BRINP3: variants seen among roughly 807,000 people sequenced by gnomAD.
BRINP3 encodes the protein BMP/retinoic acid inducible neural specific 3.
Under a neutral mutation model 71.0 loss-of-function variants are expected in BRINP3, and 19 were observed. The observed-to-expected ratio is 0.27, with a 90% CI of 0.19 to 0.39. The LOEUF (loss-of-function observed/expected upper bound fraction) is 0.39. Among genes scored for constraint, BRINP3 ranks in the 10% least tolerant of loss-of-function variants. The probability of loss-of-function intolerance (pLI) is 1.00; values close to 1 mark genes in which losing one functional copy is unlikely to be tolerated. For missense variants in BRINP3, 959 were observed against 940.8 expected (o/e 1.02, Z -0.25); for synonymous variants, 380 against 337.7 (o/e 1.13, Z -1.37).
rs182634681 is a variant in BRINP3 at position 190,216,989 on chromosome 1, C to T, written c.961+9093G>A. On this transcript the variant is annotated intron_variant, in intron 6 of 7. Transcript: ENST00000367462. ...TGCATTTGTTTAATTTTTCACATTA[C>T]ATTGAATCAGCCTTTGAAAGTAACC... is the stretch of plus-strand genomic sequence containing the variant. The T allele has an allele frequency of 1.5e-3, 223 of 151,988 alleles. 1 individual carries two copies. Among genetic ancestry groups the T allele is most frequent in the African/African-American group, 5.3e-3 (221 of 41,542 alleles). 9.4% of individuals were successfully genotyped at this position (151,988 alleles called of 1,614,324 possible). A position where few individuals can be genotyped will look rare whatever the true frequency, so the allele number is the denominator to read the frequency against.
intron 6 of BRINP3, among the ~76,000 whole-genome samples, chr1:190,208,651 T>A (rs1337497054): frequency 2.6e-5 from 4 of 151,918 alleles, no homozygotes; most frequent in Non-Finnish European, 5.9e-5. Flanking sequence ...CACACCACCA[T>A]GCCCAGCTAA....
intron 3 of BRINP3, 120 bp downstream of exon 3, chr1:190,281,440 A>C: frequency 1.1e-6 from 1 of 928,554 alleles, no homozygotes; most frequent in Non-Finnish European, 1.6e-6. Flanking sequence ...TGGGTAAATG[A>C]ATGAATGAGT....
chr1:190,324,657 GCTA>G (rs1323025443), intron 2 of BRINP3, among the ~76,000 whole-genome samples: 1 of 151,642 alleles, frequency 6.6e-6, no homozygotes, highest in East Asian at 1.9e-4. Context: ...AATGATTACT[GCTA>G]CTAAGAATCA....
At chr1:190,438,228 G>T (rs1299677149) in intron 2 of BRINP3, among the ~76,000 whole-genome samples, 1 of 151,202 alleles carries the variant, frequency 6.6e-6, no homozygotes, top group Non-Finnish European at 1.5e-5. Flanking sequence ...ACCTTTAGCT[G>T]CTTTGACAAT....
intron 2 of BRINP3, among the ~76,000 whole-genome samples, chr1:190,410,515 T>C (rs1672592429): frequency 6.6e-6 from 1 of 152,046 alleles, no homozygotes; most frequent in Non-Finnish European, 1.5e-5. Flanking sequence ...CATCAGTGTA[T>C]AGACACAACG....
In BRINP3 at chr1:190,177,241, C is replaced by T. The variant is rs1385020972; in HGVS notation, c.962-16351G>A. Among the ~76,000 whole-genome samples the T allele has an allele frequency of 2.1e-5, 3 of 140,610 alleles. No individual in the cohort carries two copies. The Admixed American group carries it at 2.2e-4, about 11-fold the overall frequency. The allele number at this position is 140,610 out of a possible 152,430, so 92.2% of individuals were successfully genotyped here. On this transcript the variant is annotated intron_variant, in intron 6 of 7. Coordinates refer to ENST00000367462, the MANE Select transcript of BRINP3 (RefSeq NM_199051.3). ...GCAGTGGCGCGGTCTCCACTCACTG[C>T]AAACTCTGCCTCCCAGATTTACGCC... is the stretch of plus-strand genomic sequence containing the variant.
At chr1:190,244,648 A>G (rs1346254153) in intron 4 of BRINP3, among the ~76,000 whole-genome samples, 1 of 152,130 alleles carries the variant, frequency 6.6e-6, no homozygotes, top group African/African-American at 2.4e-5. Flanking sequence ...CAAAATCCCG[A>G]CGAACAGTCT....
intron 4 of BRINP3, among the ~76,000 whole-genome samples, chr1:190,254,833 G>T (rs1437534985): frequency 6.6e-6 from 1 of 152,128 alleles, no homozygotes; most frequent in Non-Finnish European, 1.5e-5. Flanking sequence ...GTGAGAGAGG[G>T]CATCTCTGTC....
intron 2 of BRINP3, among the ~76,000 whole-genome samples, chr1:190,352,487 A>G (rs1668452519): frequency 1.3e-5 from 2 of 152,018 alleles, no homozygotes; most frequent in African/African-American, 4.8e-5. Flanking sequence ...AGAAAATAGG[A>G]ATCTAGGTAT....
At chr1:190,391,715 A>C (rs1438551051) in intron 2 of BRINP3, among the ~76,000 whole-genome samples, 1 of 151,606 alleles carries the variant, frequency 6.6e-6, no homozygotes, top group Non-Finnish European at 1.5e-5. Context: ...AAATGTAGGA[A>C]ATGTATGAGT....
intron 6 of BRINP3, among the ~76,000 whole-genome samples, chr1:190,191,646 C>T (rs547675628): frequency 2.2e-4 from 33 of 151,874 alleles, no homozygotes; most frequent in Middle Eastern, 3.4e-3. Flanking sequence ...TTTTTTTATC[C>T]AGTCTGTCAC....
intron 2 of BRINP3, among the ~76,000 whole-genome samples, chr1:190,282,167 T>C (rs1045399162): frequency 6.6e-6 from 1 of 151,840 alleles, no homozygotes; most frequent in Non-Finnish European, 1.5e-5. Flanking sequence ...CTATTCACTT[T>C]AGAGTGGGAA....
intron 6 of BRINP3, among the ~76,000 whole-genome samples, chr1:190,181,784 A>G (rs1346297732): frequency 2.0e-5 from 3 of 152,088 alleles, no homozygotes; most frequent in South Asian, 4.1e-4. Context: ...AACGTAATTT[A>G]GAAAACACAA....
At chr1:190,217,161 A>G (rs2102671814) in intron 6 of BRINP3, 1 of 152,116 alleles carries the variant, frequency 6.6e-6, no homozygotes, top group East Asian at 1.9e-4. Flanking sequence ...GCACTTGCAC[A>G]TAATTCCAAA....
At chr1:190,376,790 T>C (rs999078806) in intron 2 of BRINP3, among the ~76,000 whole-genome samples, 1 of 152,088 alleles carries the variant, frequency 6.6e-6, no homozygotes, top group African/African-American at 2.4e-5. Context: ...TTGATATATG[T>C]GTGTTGCTAC....
chr1:190,152,548 C>CAA (rs1439516950), intron 7 of BRINP3, among the ~76,000 whole-genome samples: 25 of 141,426 alleles, frequency 1.8e-4, no homozygotes, highest in Non-Finnish European at 3.8e-4. Flanking sequence ...CCCCGCCCCC[C>CAA]AAAAAAGCAA....
chr1:190,448,040 C>T (rs545973121), intron 2 of BRINP3, among the ~76,000 whole-genome samples: 23 of 151,634 alleles, frequency 1.5e-4, no homozygotes, highest in African/African-American at 5.5e-4. Flanking sequence ...ATAATTAGAG[C>T]ACTATTTTAT....
At chr1:190,438,378 T>C (rs1249361627) in intron 2 of BRINP3, among the ~76,000 whole-genome samples, 1 of 151,810 alleles carries the variant, frequency 6.6e-6, no homozygotes, top group Non-Finnish European at 1.5e-5. Context: ...TTTTTCTCTC[T>C]ATCTCTCATC....
At chr1:190,317,650 C>T (rs1665975175) in intron 2 of BRINP3, among the ~76,000 whole-genome samples, 1 of 151,962 alleles carries the variant, frequency 6.6e-6, no homozygotes, top group Non-Finnish European at 1.5e-5. Flanking sequence ...AAAAAAAAAT[C>T]ACAATGAACA....
Sources: gnomAD v4.1 joint callset for allele counts (sites outside exome capture counted in the v4.1 genomes callset) on GRCh38, gnomAD v4.1.1 for gene constraint, MANE v1.5 for transcripts, NCBI Gene and HGNC (gene_info 2026-07-23, HGNC 2026-07-21) for gene names.